DNAJC11: variants seen among roughly 807,000 people sequenced by gnomAD.
DNAJC11 encodes dnaJ homolog subfamily C member 11.
A neutral mutation model predicts 78.6 loss-of-function variants in DNAJC11; 15 were observed. That is an observed-to-expected ratio of 0.19 (90% CI 0.13 to 0.29). The LOEUF (loss-of-function observed/expected upper bound fraction) is 0.29. DNAJC11 is among the 10% of genes least tolerant of loss of function. The pLI, the probability that DNAJC11 is intolerant of heterozygous loss-of-function variation, is 1.00. For missense variants in DNAJC11, 547 were observed against 709.6 expected (o/e 0.77, Z 2.60); for synonymous variants, 292 against 272.1 (o/e 1.07, Z -0.72).
At chr1:6,693,979 G>A (rs1251067314) in intron 1 of DNAJC11, among the ~76,000 whole-genome samples, 3 of 151,854 alleles carry the variant, frequency 2.0e-5, no homozygotes, top group Non-Finnish European at 4.4e-5. Flanking sequence ...GGGATTACAG[G>A]CGCCCGCCAT....
At chr1:6,643,768 C>T (rs935932201) in intron 10 of DNAJC11, among the ~76,000 whole-genome samples, 5 of 152,182 alleles carry the variant, frequency 3.3e-5, no homozygotes, top group African/African-American at 2.4e-5. Flanking sequence ...AGGATGCATC[C>T]TGTGACATCA....
chr1:6,654,186 A>G, intron 4 of DNAJC11, 147 bp from the exon 5 acceptor site: 1 of 905,136 alleles, frequency 1.1e-6, no homozygotes, highest in South Asian at 1.7e-5. Flanking sequence ...TCCACCAGGA[A>G]GCCCACAAAG....
rs746096002 is a variant in DNAJC11, at chr1:6,645,141, G to A, written c.895-15C>T. On this transcript the variant is annotated splice_polypyrimidine_tract_variant and intron_variant, in intron 8 of 15. Transcript: ENST00000377577. This position sits in a 1 kb window ranked among gnomAD's most constrained non-coding sequence, Gnocchi z 4.1. ...GGGATTCCCAGCTGGGGAGACAGAG[G>A]GTGCAAGGATGCGTGGCTAGGGCGT... 1 of 1,604,412 alleles carries A rather than the reference G, an allele frequency of 6.2e-7. No individual in the cohort carries two copies. The highest frequency in any genetic ancestry group is 8.5e-7 in the Non-Finnish European group (1 of 1,172,008).
Position 6,652,845 on chromosome 1 carries a change from G to T in DNAJC11, c.614C>A (p.Ala205Glu), listed in dbSNP as rs762695953. ...CATTCTTACCTCTCCCCATCCCTTTGCCGAAGTTACTCGTCTGAGCGCAAA... is the reference window on the plus strand; with the variant it reads ...CATTCTTACCTCTCCCCATCCCTTTTCCGAAGTTACTCGTCTGAGCGCAAA... ...INFALRRVTSAKGWGELEFGA... is the reference protein window; with the variant it reads ...INFALRRVTSEKGWGELEFGA... The change falls in exon 6 of 16, where the codon GCA (alanine) becomes GAA (glutamate). Residue 205 changes from alanine to glutamate, a missense_variant. Transcript: ENST00000377577. 6.2e-7 allele frequency: 1 copy of T among 1,614,148 alleles called. No individual in the cohort carries two copies. The highest frequency in any genetic ancestry group is 8.5e-7 in the Non-Finnish European group (1 of 1,180,042).
intron 1 of DNAJC11, among the ~76,000 whole-genome samples, chr1:6,681,875 A>G (rs928293216): frequency 6.6e-6 from 1 of 152,104 alleles, no homozygotes; most frequent in Non-Finnish European, 1.5e-5. Context: ...TCTAGAGGCT[A>G]TTTTGGCCTA....
chr1:6,699,889 A>G (rs371863330), intron 1 of DNAJC11, among the ~76,000 whole-genome samples: 3 of 152,236 alleles, frequency 2.0e-5, no homozygotes, highest in African/African-American at 7.2e-5. Context: ...CTCATAGTAC[A>G]GTGGCCCATA....
At chr1:6,647,281 C>T (rs1161452110) in intron 7 of DNAJC11, among the ~76,000 whole-genome samples, 1 of 151,740 alleles carries the variant, frequency 6.6e-6, no homozygotes, top group Non-Finnish European at 1.5e-5. Flanking sequence ...TGGGGTTTCA[C>T]CATGTTGGCC....
intron 1 of DNAJC11, among the ~76,000 whole-genome samples, chr1:6,695,627 T>TGAAAAA (rs1642822095): frequency 1.2e-5 from 1 of 83,004 alleles, no homozygotes; most frequent in African/African-American, 4.5e-5. Context: ...CTATCTCTAC[T>TGAAAAA]AAAAAAAAAA....
chr1:6,638,329 T>C lies in DNAJC11; in HGVS notation c.1289A>G (p.Asp430Gly), dbSNP rs757910644. 2.0e-5 allele frequency: 33 copies of C among 1,613,506 alleles called. No homozygotes were observed. Among genetic ancestry groups the C allele is most frequent in the Non-Finnish European group, 2.6e-5 (31 of 1,179,728 alleles). Residue 430 changes from aspartate (D) to glycine (G), a missense_variant, in exon 12 of 16, where the codon GAT (aspartate) becomes GGT (glycine). By Grantham distance (94) the Asp-to-Gly change is moderately conservative (BLOSUM62 -1). Coordinates refer to ENST00000377577, the MANE Select transcript of DNAJC11 (RefSeq NM_018198.4). ...CGCCTCTTGCTTCTTCTGCAGCACATCGGTGGCGGCGCTTTCCCTCTGCTT... is the reference window on the plus strand; with the variant it reads ...CGCCTCTTGCTTCTTCTGCAGCACACCGGTGGCGGCGCTTTCCCTCTGCTT... ...LEKQRESAAT[D>G]VLQKKQEAES...
intron 1 of DNAJC11, among the ~76,000 whole-genome samples, chr1:6,698,462 C>T (rs372897824): frequency 3.3e-5 from 5 of 151,990 alleles, no homozygotes; most frequent in East Asian, 1.9e-4. Context: ...AATGGAATCC[C>T]GGGATGGAAA....
intron 1 of DNAJC11, among the ~76,000 whole-genome samples, chr1:6,693,871 G>A (rs1038814366): frequency 3.2e-4 from 41 of 129,674 alleles, no homozygotes; most frequent in Non-Finnish European, 5.1e-4. Flanking sequence ...ACAGAGTCTC[G>A]CTCTGTTGCC....
At chr1:6,643,712 C>CGGG (rs1476580735) in intron 10 of DNAJC11, among the ~76,000 whole-genome samples, 1 of 152,046 alleles carries the variant, frequency 6.6e-6, no homozygotes, top group Admixed American at 6.6e-5. Context: ...ATGCTGTGCC[C>CGGG]GGGGGATAGC....
intron 1 of DNAJC11, among the ~76,000 whole-genome samples, chr1:6,685,207 G>C (rs1340060582): frequency 1.3e-5 from 2 of 152,228 alleles, no homozygotes; most frequent in Non-Finnish European, 2.9e-5. Context: ...TCTGTACCAC[G>C]ATTGCATTTG....
intron 10 of DNAJC11, among the ~76,000 whole-genome samples, chr1:6,643,501 T>G (rs917151424): frequency 6.6e-6 from 1 of 151,986 alleles, no homozygotes; most frequent in Non-Finnish European, 1.5e-5. Flanking sequence ...GGTCTCAATC[T>G]CCTGACCTCG....
chr1:6,678,450 T>G lies in DNAJC11; in HGVS notation c.220A>C (p.Thr74Pro), dbSNP rs1406706025. The G allele has an allele frequency of 6.2e-7, 1 of 1,613,828 alleles. No homozygotes were observed. Among genetic ancestry groups the G allele is most frequent in the Non-Finnish European group, 8.5e-7 (1 of 1,179,894 alleles). The change falls in exon 3 of 16, where the codon ACC (threonine) becomes CCC (proline). Residue 74 changes from threonine to proline, a missense_variant. Physicochemically the swap from Thr to Pro is conservative, Grantham distance 38 (BLOSUM62 -1). Coordinates refer to ENST00000377577, the MANE Select transcript of DNAJC11 (RefSeq NM_018198.4). ...CCATATATATCATAGATGGCCCTGGTTTGGGGGTCACTAAGCACTGCAAAT... is the reference window on the plus strand; with the variant it reads ...CCATATATATCATAGATGGCCCTGGGTTGGGGGTCACTAAGCACTGCAAAT... ...QAYEVLSDPQ[T>P]RAIYDIYGKR...
intron 15 of DNAJC11, 45 bp downstream of exon 15, chr1:6,636,072 T>C (rs1463523542): frequency 2.5e-6 from 4 of 1,585,790 alleles, no homozygotes; most frequent in Middle Eastern, 1.7e-4. Context: ...CGCTTCGAGG[T>C]CCCCGCCCCC....
chr1:6,636,250 TAACA>T lies in DNAJC11; in HGVS notation c.1525-8_1525-5del. ...CATAAAAGCCAGGCAGCCCAGCCTGTAACAAACAAATTGCTACTCTCAATACTCC... is the reference window on the plus strand; with the variant it reads ...CATAAAAGCCAGGCAGCCCAGCCTGTAACAAATTGCTACTCTCAATACTCC... On this transcript the variant is annotated splice_region_variant and splice_polypyrimidine_tract_variant and intron_variant, in intron 14 of 15. Coordinates refer to ENST00000377577, the MANE Select transcript of DNAJC11 (RefSeq NM_018198.4). 6.2e-7 allele frequency: 1 copy of T among 1,613,806 alleles called. No individual in the cohort carries two copies. Among genetic ancestry groups the T allele is most frequent in the Non-Finnish European group, 8.5e-7 (1 of 1,179,920 alleles).
intron 4 of DNAJC11, chr1:6,654,309 A>G (rs557689847): frequency 3.2e-6 from 1 of 310,378 alleles, no homozygotes; most frequent in East Asian, 7.5e-5. Flanking sequence ...TGACACGCCA[A>G]AGACAAAAGT....
chr1:6,658,210 C>G (rs946866832), intron 4 of DNAJC11, among the ~76,000 whole-genome samples: 1 of 152,044 alleles, frequency 6.6e-6, no homozygotes, highest in African/African-American at 2.4e-5. Context: ...TGACACAATA[C>G]CTGAAGCGTC....
Sources: gnomAD v4.1 joint callset for allele counts (sites outside exome capture counted in the v4.1 genomes callset) on GRCh38, gnomAD v4.1.1 for gene constraint, Gnocchi (gnomAD v3.1) non-coding constraint, MANE v1.5 for transcripts, NCBI Gene and HGNC (gene_info 2026-07-23, HGNC 2026-07-21) for gene names.